The following UBAP1 variants were observed in gnomAD, a reference collection of about 807,000 sequenced individuals.
UBAP1 encodes ubiquitin associated protein 1.
A neutral mutation model predicts 39.0 loss-of-function variants in UBAP1; 5 were observed. That is an observed-to-expected ratio of 0.13 (90% CI 0.07 to 0.27). The LOEUF is 0.27. Ranked by LOEUF, UBAP1 falls within the 10% of genes least tolerant of loss-of-function variation. UBAP1 has a pLI of 1.00. For synonymous variants in UBAP1, 211 were observed against 225.1 expected, an observed-to-expected ratio of 0.94 and a Z score of 0.56; for missense variants, 490 against 608.1, an observed-to-expected ratio of 0.81 and a Z score of 2.04.
intron 2 of UBAP1, chr9:34,224,444 A>G: frequency 2.5e-6 from 1 of 396,020 alleles, no homozygotes. Flanking sequence ...GAAATTCCCT[A>G]CATGCAGCCT....
intron 1 of UBAP1, among the ~76,000 whole-genome samples, chr9:34,202,619 A>G (rs1022576475): frequency 7.6e-5 from 6 of 78,532 alleles, no homozygotes; most frequent in African/African-American, 3.4e-4. Context: ...AGCTGTAGAC[A>G]GAAACGTGTG....
chr9:34,197,314 T>G (rs922277198), intron 1 of UBAP1, among the ~76,000 whole-genome samples: 1 of 151,784 alleles, frequency 6.6e-6, no homozygotes, highest in Non-Finnish European at 1.5e-5. Context: ...TATTAAAATT[T>G]TTTTTTTCTT....
chr9:34,193,876 T>C (rs1830872112), intron 1 of UBAP1, among the ~76,000 whole-genome samples: 1 of 152,022 alleles, frequency 6.6e-6, no homozygotes. Context: ...TATAGGGCAG[T>C]CCCCTCTCTG....
intron 6 of UBAP1, 21 bp from the exon 7 acceptor site, chr9:34,251,371 G>A: frequency 1.2e-6 from 2 of 1,613,330 alleles, no homozygotes; most frequent in Non-Finnish European, 1.7e-6. Flanking sequence ...TCTTTAATCT[G>A]TGTTCTCTTC....
intron 1 of UBAP1, among the ~76,000 whole-genome samples, chr9:34,208,265 A>T (rs931504785): frequency 2.0e-5 from 3 of 151,494 alleles, no homozygotes; most frequent in African/African-American, 7.3e-5. Context: ...TATATATTCA[A>T]TTTTTCCGAA....
chr9:34,237,056 T>C (rs1300838465), intron 3 of UBAP1, among the ~76,000 whole-genome samples: 2 of 152,198 alleles, frequency 1.3e-5, no homozygotes, highest in African/African-American at 2.4e-5. Flanking sequence ...CTATTCTAGA[T>C]TGCGTGTAAA....
At chr9:34,180,232 A>G (rs1450320631) in intron 1 of UBAP1, among the ~76,000 whole-genome samples, 2 of 152,290 alleles carry the variant, frequency 1.3e-5, no homozygotes, top group African/African-American at 2.4e-5. Context: ...AAGTTTCCGT[A>G]TTGGCCGGGC....
intron 1 of UBAP1, among the ~76,000 whole-genome samples, chr9:34,212,646 T>C (rs1832083642): frequency 6.6e-6 from 1 of 152,002 alleles, no homozygotes; most frequent in Admixed American, 6.6e-5. Flanking sequence ...ACAACCCTCC[T>C]AGCTTAAATC....
At chr9:34,249,196 T>C (rs1434961081) in intron 4 of UBAP1, among the ~76,000 whole-genome samples, 1 of 152,038 alleles carries the variant, frequency 6.6e-6, no homozygotes, top group Non-Finnish European at 1.5e-5. Flanking sequence ...GTACATGATG[T>C]AGGGCAAAGG....
At chr9:34,205,097 G>A (rs954856920) in intron 1 of UBAP1, among the ~76,000 whole-genome samples, 4 of 152,060 alleles carry the variant, frequency 2.6e-5, no homozygotes, top group African/African-American at 9.7e-5. Flanking sequence ...GTTCACTGCA[G>A]CTTCGACCTC....
At chr9:34,213,198 C>A (rs146062256) in intron 1 of UBAP1, among the ~76,000 whole-genome samples, 175 of 152,230 alleles carry the variant, frequency 1.1e-3, no homozygotes, top group African/African-American at 4.0e-3. Flanking sequence ...GAGGGACATA[C>A]CTCAATGTAA....
At chr9:34,202,505 A>G in intron 1 of UBAP1, among the ~76,000 whole-genome samples, 1 of 152,050 alleles carries the variant, frequency 6.6e-6, no homozygotes, top group East Asian at 1.9e-4. Context: ...GGACAGTTGA[A>G]GGGAGGGTGG....
chr9:34,219,396 A>G (rs1343353453), intron 1 of UBAP1, among the ~76,000 whole-genome samples: 5 of 152,148 alleles, frequency 3.3e-5, no homozygotes, highest in African/African-American at 1.2e-4. Flanking sequence ...CTGAAAACAG[A>G]AACTTTTCAA....
At position 34,243,276 on chromosome 9, in the gene UBAP1, G is replaced by C. The variant is rs546195985; in HGVS notation, c.1083+1168G>C. Among the ~76,000 whole-genome samples, 4 of 152,254 alleles carry C rather than the reference G, an allele frequency of 2.6e-5. No homozygotes were observed. In the South Asian group the frequency reaches 8.3e-4, roughly 32 times the overall value. ...ACTCCCTTCCTCTCATTTAAAGTTAGATTAACCATTTAGAGATCAAAGCCA... is the reference window on the plus strand; with the variant it reads ...ACTCCCTTCCTCTCATTTAAAGTTACATTAACCATTTAGAGATCAAAGCCA... On this transcript the variant is annotated intron_variant, in intron 4 of 6. Transcript: ENST00000297661.
chr9:34,239,027 A>T (rs984799147), intron 3 of UBAP1, among the ~76,000 whole-genome samples: 7 of 152,144 alleles, frequency 4.6e-5, no homozygotes, highest in African/African-American at 1.7e-4. Context: ...CATGTGAAAT[A>T]TTTTTGTTCT....
chr9:34,227,153 G>A (rs1833150546), intron 2 of UBAP1, among the ~76,000 whole-genome samples: 1 of 152,140 alleles, frequency 6.6e-6, no homozygotes, highest in Non-Finnish European at 1.5e-5. Context: ...AGCTGATTTT[G>A]TAGATTATAT....
intron 2 of UBAP1, among the ~76,000 whole-genome samples, chr9:34,226,847 A>G (rs1485416694): frequency 6.6e-6 from 1 of 152,134 alleles, no homozygotes; most frequent in Non-Finnish European, 1.5e-5. Context: ...ATGAACCATC[A>G]AAATTTTTCT....
intron 1 of UBAP1, among the ~76,000 whole-genome samples, chr9:34,207,129 G>A (rs1377626083): frequency 2.3e-5 from 3 of 129,288 alleles, no homozygotes; most frequent in Non-Finnish European, 4.6e-5. Context: ...TCAGCTCACT[G>A]CAACCTCTGC....
intron 1 of UBAP1, among the ~76,000 whole-genome samples, chr9:34,208,214 T>G (rs185754334): frequency 2.0e-5 from 3 of 152,230 alleles, no homozygotes; most frequent in Non-Finnish European, 4.4e-5. Context: ...TAATTTTGGT[T>G]GTTACTTTTT....
Sources: gnomAD v4.1 joint callset for allele counts (sites outside exome capture counted in the v4.1 genomes callset) on GRCh38, gnomAD v4.1.1 for gene constraint, MANE v1.5 for transcripts, NCBI Gene and HGNC (gene_info 2026-07-23, HGNC 2026-07-21) for gene names.